The following SEMA4B variants were observed in gnomAD, a reference collection of about 807,000 sequenced individuals.
The protein encoded by SEMA4B is semaphorin-4B.
In SEMA4B, 55 loss-of-function variants were observed where a neutral mutation model predicts 88.1. That is an observed-to-expected ratio of 0.62 (90% confidence interval 0.50 to 0.78). SEMA4B has a LOEUF of 0.78. SEMA4B is among the 30% of genes least tolerant of loss of function. The probability of loss-of-function intolerance (pLI) is 0.00; values close to 1 mark genes in which losing one functional copy is unlikely to be tolerated. For synonymous variants in SEMA4B, 525 were observed against 473.6 expected (o/e 1.11, Z -1.41); for missense variants, 1,062 against 1,111.9 (o/e 0.96, Z 0.64).
Position 90,227,544 on chromosome 15 carries a change from C to G in SEMA4B, c.1689-13C>G. The G allele has an allele frequency of 6.2e-7, 1 of 1,613,454 alleles. No individual in the cohort carries two copies. The highest frequency in any genetic ancestry group is 8.5e-7 in the Non-Finnish European group (1 of 1,179,542). ...ACTTCCTGGCCAATCCCAGAATTCT[C>G]TCTGGCCCTCAGGCCGTGGATCCAG... On this transcript the variant is annotated splice_polypyrimidine_tract_variant and intron_variant, in intron 12 of 13. Transcript: ENST00000411539.
chr15:90,224,763 C>T (rs1028506453), intron 9 of SEMA4B, among the ~76,000 whole-genome samples: 4 of 152,140 alleles, frequency 2.6e-5, no homozygotes, highest in Non-Finnish European at 5.9e-5. Flanking sequence ...CAAGGAAGCC[C>T]TCCAAGCACT....
chr15:90,224,308 A>G (rs8025627), intron 9 of SEMA4B, among the ~76,000 whole-genome samples: 102,177 of 152,150 alleles, frequency 0.67, 34,460 homozygotes, highest in African/African-American at 0.75. Context: ...TTATCAAGTG[A>G]CTGAATGGGC....
chr15:90,188,043 G>T (rs1430281666), intron 1 of SEMA4B, among the ~76,000 whole-genome samples: 1 of 151,732 alleles, frequency 6.6e-6, no homozygotes, highest in Non-Finnish European at 1.5e-5. Context: ...CGTGGGTCAG[G>T]CATGGTGGCT....
At chr15:90,208,235 CA>C (rs1961086810) in intron 1 of SEMA4B, among the ~76,000 whole-genome samples, 1 of 144,488 alleles carries the variant, frequency 6.9e-6, no homozygotes, top group African/African-American at 2.6e-5. Context: ...GCCTGGAAGA[CA>C]AGAGCAAAAC....
intron 1 of SEMA4B, among the ~76,000 whole-genome samples, chr15:90,189,544 A>T (rs1308360383): frequency 6.6e-6 from 1 of 152,242 alleles, no homozygotes; most frequent in Non-Finnish European, 1.5e-5. Context: ...TGCTCAATAA[A>T]TATTAATTAG....
At chr15:90,187,758 G>C (rs924111056) in intron 1 of SEMA4B, among the ~76,000 whole-genome samples, 11 of 152,152 alleles carry the variant, frequency 7.2e-5, no homozygotes, top group Non-Finnish European at 1.6e-4. Context: ...TGTAATCCCA[G>C]CATTTTGGGA....
chr15:90,195,983 G>C (rs1330801893), intron 1 of SEMA4B, among the ~76,000 whole-genome samples: 8 of 142,636 alleles, frequency 5.6e-5, no homozygotes, highest in African/African-American at 2.1e-4. Flanking sequence ...GCAGTGGCGC[G>C]ATCTCGGCTC....
At chr15:90,203,875 A>G (rs1960862567) in intron 1 of SEMA4B, among the ~76,000 whole-genome samples, 1 of 152,184 alleles carries the variant, frequency 6.6e-6, no homozygotes, top group Non-Finnish European at 1.5e-5. Context: ...GCCCTGGAAT[A>G]GTGTAGTGGC....
In SEMA4B at chr15:90,201,678, C is replaced by A; in HGVS notation, c.100C>A (p.Leu34Met). ...PLLLLLLLLL[L>M]LQPPPPTWAL... ...GCTGCTGCTCCTGCTGCTGCTGCTCCTGCTGCAGCCGCCGCCTCCGACCTG... is the reference window on the plus strand; with the variant it reads ...GCTGCTGCTCCTGCTGCTGCTGCTCATGCTGCAGCCGCCGCCTCCGACCTG... The change falls in exon 1 of 14, where the codon CTG (leucine) becomes ATG (methionine). Residue 34 changes from leucine to methionine, a missense_variant. Physicochemically the swap from Leu to Met is conservative, Grantham distance 15. Coordinates refer to ENST00000411539, the MANE Select transcript of SEMA4B (RefSeq NM_198925.4). The A allele has an allele frequency of 6.6e-7, 1 of 1,513,396 alleles. No individual in the cohort carries two copies. The highest frequency in any genetic ancestry group is 8.8e-7 in the Non-Finnish European group (1 of 1,137,914). 93.7% of individuals were successfully genotyped at this position (1,513,396 alleles called of 1,614,324 possible).
chr15:90,207,995 A>AT (rs1654050221), intron 1 of SEMA4B, among the ~76,000 whole-genome samples: 1 of 152,186 alleles, frequency 6.6e-6, no homozygotes, highest in Non-Finnish European at 1.5e-5. Context: ...GCTCACGCCT[A>AT]TAATCCCAGC....
At position 90,219,930 on chromosome 15, in the gene SEMA4B, A is replaced by G. The variant is rs772024674; in HGVS notation, c.483+39A>G. The stretch of plus-strand genomic sequence containing the variant: ...CCTCAGCCCTGAGGCTGACCTGGGA[A>G]CTGCCCCTCTTTCTGCCCCAGGGAT... On this transcript the variant is annotated intron_variant, in intron 4 of 13. Coordinates refer to ENST00000411539, the MANE Select transcript of SEMA4B (RefSeq NM_198925.4). 2.0e-6 allele frequency: 3 copies of G among 1,475,912 alleles called. No individual in the cohort carries two copies. In the South Asian group the frequency reaches 3.4e-5, roughly 17 times the overall value. 91.4% of individuals were successfully genotyped at this position (1,475,912 alleles called of 1,614,324 possible). A position where few individuals can be genotyped will look rare whatever the true frequency, so the allele number is the denominator to read the frequency against.
intron 1 of SEMA4B, among the ~76,000 whole-genome samples, chr15:90,211,164 C>T (rs769013469): frequency 2.0e-5 from 3 of 152,170 alleles, no homozygotes; most frequent in Non-Finnish European, 2.9e-5. Flanking sequence ...AGGGACTGAG[C>T]GTGTCCCTGT....
intron 12 of SEMA4B, among the ~76,000 whole-genome samples, chr15:90,226,711 C>T (rs1372060730): frequency 6.6e-6 from 1 of 152,134 alleles, no homozygotes; most frequent in Non-Finnish European, 1.5e-5. Flanking sequence ...CATATGGATA[C>T]ACCTGGTGTC....
chr15:90,215,041 C>T (rs893769807), intron 1 of SEMA4B: 5 of 1,241,564 alleles, frequency 4.0e-6, no homozygotes, highest in Non-Finnish European at 5.2e-6. Context: ...CTTCGTGAGA[C>T]TGTTTGTGTG....
At chr15:90,205,847 T>C (rs1379772930) in intron 1 of SEMA4B, among the ~76,000 whole-genome samples, 2 of 152,050 alleles carry the variant, frequency 1.3e-5, no homozygotes, top group African/African-American at 4.8e-5. Flanking sequence ...TTACCAGGGG[T>C]CCTGCTTAAT....
chr15:90,201,035 C>T (rs1334582389), upstream of SEMA4B, among the ~76,000 whole-genome samples: 1 of 152,196 alleles, frequency 6.6e-6, no homozygotes, highest in Non-Finnish European at 1.5e-5. Flanking sequence ...AGCGGGGACG[C>T]AGCGTGTCCC....
intron 13 of SEMA4B, 99 bp downstream of exon 13, chr15:90,227,741 C>G: frequency 6.8e-7 from 1 of 1,471,338 alleles, no homozygotes; most frequent in South Asian, 1.2e-5. Context: ...TCCTCACTTC[C>G]TTGCCCCCTA....
rs1428644873 is a variant in SEMA4B at position 90,225,814 on chromosome 15, C to T, written c.1675C>T (p.Gln559Ter). ...CAAGCACGTCAGCCTCTACCAGCCTCAGCTGGCCACCAGGTGAGCACTCCC... is the reference window on the plus strand; with the variant it reads ...CAAGCACGTCAGCCTCTACCAGCCTTAGCTGGCCACCAGGTGAGCACTCCC... The part of the protein sequence containing the change: ...SCKHVSLYQP[Q>*]LATRPWIQDI... The change falls in exon 12 of 14, where the codon CAG (glutamine) becomes TAG (stop). Residue 559 changes from glutamine to a stop codon, truncating the protein, a stop_gained. Coordinates refer to ENST00000411539, the MANE Select transcript of SEMA4B (RefSeq NM_198925.4). LOFTEE classifies it high-confidence loss of function. 2.0e-6 allele frequency: 3 copies of T among 1,538,116 alleles called. No homozygotes were observed. The highest frequency in any genetic ancestry group is 2.6e-6 in the Non-Finnish European group (3 of 1,142,938).
At chr15:90,209,334 T>A (rs982638597) in intron 1 of SEMA4B, among the ~76,000 whole-genome samples, 4 of 152,048 alleles carry the variant, frequency 2.6e-5, no homozygotes, top group African/African-American at 9.7e-5. Context: ...GCGGATCAGC[T>A]GAGGTCAGGA....
Sources: gnomAD v4.1 joint callset for allele counts (sites outside exome capture counted in the v4.1 genomes callset) on GRCh38, gnomAD v4.1.1 for gene constraint, MANE v1.5 for transcripts, NCBI Gene and HGNC (gene_info 2026-07-23, HGNC 2026-07-21) for gene names.